The following AKIRIN1 variants were observed in gnomAD, a reference collection of about 807,000 sequenced individuals.
AKIRIN1 encodes the protein akirin 1.
A neutral mutation model predicts 25.9 loss-of-function variants in AKIRIN1; 4 were observed. The observed-to-expected ratio is 0.15, with a 90% CI of 0.08 to 0.35. AKIRIN1 has a LOEUF of 0.35. Ranked by LOEUF, AKIRIN1 falls within the 10% of genes least tolerant of loss-of-function variation. The pLI, the probability that AKIRIN1 is intolerant of heterozygous loss-of-function variation, is 1.00. For missense variants in AKIRIN1, 243 were observed against 266.1 expected, an observed-to-expected ratio of 0.91 and a Z score of 0.61; for synonymous variants, 125 against 105.1, an observed-to-expected ratio of 1.19 and a Z score of -1.16.
At chr1:38,999,102 G>A (rs893284876) in intron 2 of AKIRIN1, among the ~76,000 whole-genome samples, 20 of 152,186 alleles carry the variant, frequency 1.3e-4, no homozygotes, top group African/African-American at 3.9e-4. Flanking sequence ...GTCATGTAGT[G>A]ACTCAGTTTT....
rs377130091 is a variant in AKIRIN1, at chr1:38,998,318, C to G, written c.361+7C>G. ...ACAGCACCTAGCTCTCCAGGTAAGC[C>G]CACTTTGATCTGCAAAATTCGCATT... On this transcript the variant is annotated splice_region_variant and intron_variant, in intron 2 of 4. Transcript: ENST00000432648. 1.9e-6 allele frequency: 3 copies of G among 1,587,746 alleles called. No homozygotes were observed. The highest frequency in any genetic ancestry group is 2.7e-5 in the African/African-American group (2 of 73,658).
chr1:38,999,706 GA>G (rs1265542078), intron 2 of AKIRIN1, among the ~76,000 whole-genome samples: 1 of 152,016 alleles, frequency 6.6e-6, no homozygotes, highest in African/African-American at 2.4e-5. Flanking sequence ...TATTTGTAGA[GA>G]AAAAAATATC....
intron 1 of AKIRIN1, among the ~76,000 whole-genome samples, chr1:38,992,109 G>T (rs1334335381): frequency 6.6e-6 from 1 of 152,216 alleles, no homozygotes; most frequent in South Asian, 2.1e-4. Flanking sequence ...GCCGCCGCAA[G>T]AGTCACGGAA....
chr1:38,997,269 G>A (rs1210840816), intron 1 of AKIRIN1, among the ~76,000 whole-genome samples: 2 of 152,104 alleles, frequency 1.3e-5, no homozygotes, highest in African/African-American at 2.4e-5. Flanking sequence ...GTATTTCAAG[G>A]TGGTTAGTAA....
intron 1 of AKIRIN1, among the ~76,000 whole-genome samples, chr1:38,991,996 G>A (rs920244807): frequency 4.6e-5 from 7 of 151,954 alleles, no homozygotes; most frequent in African/African-American, 1.7e-4. Context: ...CTGGCCTGGA[G>A]GGCGGGGGTG....
chr1:39,004,949 G>T lies in AKIRIN1; in HGVS notation c.*894G>T, dbSNP rs1164289278. Reference sequence around the variant, plus strand: ...AGAGGTGAGCCCAGGGCTAGGCCTGGGCCAGGCCCCGGCAGCACTGCTACT... The same window carrying T: ...AGAGGTGAGCCCAGGGCTAGGCCTGTGCCAGGCCCCGGCAGCACTGCTACT... On this transcript the variant is annotated 3_prime_UTR_variant, in exon 5 of 5. Coordinates refer to ENST00000432648, the MANE Select transcript of AKIRIN1 (RefSeq NM_024595.3). The T allele has an allele frequency of 6.6e-6, 1 of 152,290 alleles. No individual in the cohort carries two copies. Among genetic ancestry groups the T allele is most frequent in the Non-Finnish European group, 1.5e-5 (1 of 68,116 alleles). 9.4% of individuals were successfully genotyped at this position (152,290 alleles called of 1,614,324 possible). A position where few individuals can be genotyped will look rare whatever the true frequency, so the allele number is the denominator to read the frequency against.
At chr1:39,001,358 G>A (rs1643990279) in intron 3 of AKIRIN1, among the ~76,000 whole-genome samples, 1 of 150,152 alleles carries the variant, frequency 6.7e-6, no homozygotes, top group East Asian at 2.0e-4. Context: ...CCGCCTGCCA[G>A]GTTCTAACGA....
intron 1 of AKIRIN1, 66 bp from the exon 2 acceptor site, chr1:38,998,105 T>A: frequency 6.6e-7 from 1 of 1,523,188 alleles, no homozygotes; most frequent in South Asian, 1.2e-5. Context: ...CTCTTCCCAC[T>A]TCTGAAGAAA....
At position 39,006,056 on chromosome 1, in the gene AKIRIN1, T is replaced by G. The variant is rs1048992691; in HGVS notation, c.*2001T>G. On this transcript the variant is annotated 3_prime_UTR_variant, in exon 5 of 5. Coordinates refer to ENST00000432648, the MANE Select transcript of AKIRIN1 (RefSeq NM_024595.3). ...TAATAATTAAAGAATGATTTTACTT[T>G]GTATTTGAAGGGTGATTTGTTTCAT... The G allele has an allele frequency of 1.3e-5, 2 of 151,608 alleles. No individual in the cohort carries two copies. Among genetic ancestry groups the G allele is most frequent in the Admixed American group, 6.6e-5 (1 of 15,122 alleles). The allele number at this position is 151,608 out of a possible 1,614,324, so 9.4% of individuals were successfully genotyped here.
At chr1:38,993,129 C>T (rs1033679389) in intron 1 of AKIRIN1, among the ~76,000 whole-genome samples, 6 of 152,138 alleles carry the variant, frequency 3.9e-5, no homozygotes, top group Non-Finnish European at 8.8e-5. Context: ...GTTGAAGAAC[C>T]CTCAAGATAG....
Position 38,991,485 on chromosome 1 carries a change from T to C in AKIRIN1, c.105T>C (p.Thr35=), listed in dbSNP as rs1367634369. ...RRRCAPLPGP[T]PGLRPPDAEP... ...GCTGCGCCCCTCTGCCCGGCCCCAC[T>C]CCGGGCCTCAGGCCCCCGGACGCCG... The change falls in exon 1 of 5, where the codon ACT becomes ACC. Residue 35 remains threonine, a synonymous_variant. Coordinates refer to ENST00000432648, the MANE Select transcript of AKIRIN1 (RefSeq NM_024595.3). 2.8e-6 allele frequency: 4 copies of C among 1,442,072 alleles called. No individual in the cohort carries two copies. In the East Asian group the frequency reaches 9.0e-5, roughly 33 times the overall value. 89.3% of individuals were successfully genotyped at this position (1,442,072 alleles called of 1,614,324 possible).
chr1:38,991,312 C>A lies in AKIRIN1; in HGVS notation c.-69C>A. Reference sequence around the variant, plus strand: ...CATTGGAGCCGGCTTGGCTGGCGAGCCCGGCTGAGGAGCCTCTTGGGCCGC... The same window carrying A: ...CATTGGAGCCGGCTTGGCTGGCGAGACCGGCTGAGGAGCCTCTTGGGCCGC... On this transcript the variant is annotated 5_prime_UTR_variant, in exon 1 of 5. Transcript: ENST00000432648. The A allele has an allele frequency of 1.6e-6, 2 of 1,268,146 alleles. No homozygotes were observed. Among genetic ancestry groups the A allele is most frequent in the Non-Finnish European group, 2.0e-6 (2 of 995,876 alleles). 78.6% of individuals were successfully genotyped at this position (1,268,146 alleles called of 1,614,324 possible). A position where few individuals can be genotyped will look rare whatever the true frequency, so the allele number is the denominator to read the frequency against.
Position 38,991,604 on chromosome 1 carries a change from ACCTGC to A in AKIRIN1, c.220+10_220+14del, listed in dbSNP as rs754944520. ...GAGCGGCGCCTTCCAACTCCGGGTA[ACCTGC>A]CCTGCTCTGGGTTTGGCAGGAAGCC... is the stretch of plus-strand genomic sequence containing the variant. On this transcript the variant is annotated splice_donor_5th_base_variant and intron_variant, in intron 1 of 4. Transcript: ENST00000432648. 56 of 1,079,822 alleles carry A rather than the reference ACCTGC, an allele frequency of 5.2e-5. No homozygotes were observed. The Middle Eastern group carries it at 2.1e-3, about 41-fold the overall frequency. 66.9% of individuals were successfully genotyped at this position (1,079,822 alleles called of 1,614,324 possible). A position where few individuals can be genotyped will look rare whatever the true frequency, so the allele number is the denominator to read the frequency against.
At chr1:39,003,714 C>T (rs1570977983) in intron 4 of AKIRIN1, among the ~76,000 whole-genome samples, 1 of 152,184 alleles carries the variant, frequency 6.6e-6, no homozygotes, top group East Asian at 1.9e-4. Flanking sequence ...CTGACTTGAG[C>T]ACCAATTTGT....
chr1:38,998,023 A>G, intron 1 of AKIRIN1, 148 bp from the exon 2 acceptor site: 2 of 837,608 alleles, frequency 2.4e-6, no homozygotes, highest in Admixed American at 3.0e-5. Context: ...TTGCTTGTTT[A>G]TGTCGGGGGA....
At position 39,004,568 on chromosome 1, in the gene AKIRIN1, G is replaced by T; in HGVS notation, c.*513G>T. On this transcript the variant is annotated 3_prime_UTR_variant, in exon 5 of 5. Transcript: ENST00000432648. ...TTTTGTGACCATACAAGTTGTAACA[G>T]TGGATTGTTTTTATGTGTAGGTATT... 4.5e-6 allele frequency: 1 copy of T among 220,594 alleles called. No individual in the cohort carries two copies. Among genetic ancestry groups the T allele is most frequent in the Non-Finnish European group, 9.2e-6 (1 of 108,976 alleles). 13.7% of individuals were successfully genotyped at this position (220,594 alleles called of 1,614,324 possible).
chr1:38,993,297 C>G (rs532842846), intron 1 of AKIRIN1, among the ~76,000 whole-genome samples: 10 of 152,028 alleles, frequency 6.6e-5, no homozygotes, highest in African/African-American at 2.2e-4. Flanking sequence ...GCCTGTAATC[C>G]CAGCACTTCG....
chr1:39,005,628 T>A lies in AKIRIN1; in HGVS notation c.*1573T>A, dbSNP rs1241412844. ...TACTTTGAATATAGAATAGTTTTTT[T>A]AATTAGGGCTTATTTTGAAAAATTC... On this transcript the variant is annotated 3_prime_UTR_variant, in exon 5 of 5. Coordinates refer to ENST00000432648, the MANE Select transcript of AKIRIN1 (RefSeq NM_024595.3). 6.6e-6 allele frequency: 1 copy of A among 152,246 alleles called. No individual in the cohort carries two copies. Among genetic ancestry groups the A allele is most frequent in the Non-Finnish European group, 1.5e-5 (1 of 68,040 alleles). The allele number at this position is 152,246 out of a possible 1,614,324, so 9.4% of individuals were successfully genotyped here. A position where few individuals can be genotyped will look rare whatever the true frequency, so the allele number is the denominator to read the frequency against.
rs1430454206 is a variant in AKIRIN1 at position 38,991,445 on chromosome 1, C to G, written c.65C>G (p.Ser22Cys). The G allele has an allele frequency of 3.6e-6, 5 of 1,372,490 alleles. No homozygotes were observed. The highest frequency in any genetic ancestry group is 4.7e-6 in the Non-Finnish European group (5 of 1,067,742). 85.0% of individuals were successfully genotyped at this position (1,372,490 alleles called of 1,614,324 possible). ...GAGGCGGCGCTGCTGAGCCCCGGCT[C>G]CCCGAAGCGGCGGCGCTGCGCCCCT... is the stretch of plus-strand genomic sequence containing the variant. ...EFEAALLSPG[S>C]PKRRRCAPLP... is the part of the protein sequence containing the mutation. The change falls in exon 1 of 5, where the codon TCC becomes TGC. Residue 22 changes from serine (S) to cysteine (C), a missense_variant. Physicochemically the swap from Ser to Cys is moderately radical, Grantham distance 112. This residue lies in a region of AKIRIN1 where 28 missense variants were observed against 46.4 expected (regional missense o/e 0.60). Transcript: ENST00000432648.
Sources: gnomAD v4.1 joint callset for allele counts (sites outside exome capture counted in the v4.1 genomes callset) on GRCh38, gnomAD v4.1.1 for gene constraint, gnomAD v4.1.1 regional missense constraint, MANE v1.5 for transcripts, NCBI Gene and HGNC (gene_info 2026-07-23, HGNC 2026-07-21) for gene names.